ADARB2: variants seen among roughly 807,000 people sequenced by gnomAD.
The protein encoded by ADARB2 is inactive double-stranded RNA-specific editase B2.
ADARB2 carries 25 observed loss-of-function variants against 62.2 expected under a neutral mutation model. The ratio of observed to expected loss-of-function variants is 0.40; its 90% CI spans 0.29 to 0.56. The LOEUF is 0.56. ADARB2 is among the 20% of genes least tolerant of loss of function. The pLI is 0.43. For missense variants in ADARB2, 1,071 were observed against 1,077.4 expected (o/e 0.99, Z 0.08); for synonymous variants, 572 against 500.8 (o/e 1.14, Z -1.90).
intron 3 of ADARB2, among the ~76,000 whole-genome samples, chr10:1,286,031 A>C (rs897518883): frequency 8.1e-6 from 1 of 123,510 alleles, no homozygotes; most frequent in Non-Finnish European, 1.6e-5. Context: ...CCGAGTCCCC[A>C]GGCTCCTTTC....
chr10:1,351,292 A>G (rs1832135510), intron 3 of ADARB2, among the ~76,000 whole-genome samples: 6 of 152,280 alleles, frequency 3.9e-5, no homozygotes, highest in Admixed American at 3.3e-4. Context: ...TCACAGTGGA[A>G]GGTAAGTCCG....
intron 1 of ADARB2, among the ~76,000 whole-genome samples, chr10:1,419,601 G>C (rs1026521161): frequency 2.6e-5 from 4 of 152,184 alleles, no homozygotes; most frequent in Non-Finnish European, 5.9e-5. Context: ...CCAGATGGTT[G>C]GTGCTGCAGT....
chr10:1,479,765 C>G (rs1169669346), intron 1 of ADARB2, among the ~76,000 whole-genome samples: 1 of 152,152 alleles, frequency 6.6e-6, no homozygotes, highest in Non-Finnish European at 1.5e-5. Flanking sequence ...TTGATCAAAG[C>G]TGAGAACAAT....
chr10:1,497,907 G>T (rs1359747319), intron 1 of ADARB2, among the ~76,000 whole-genome samples: 2 of 152,176 alleles, frequency 1.3e-5, no homozygotes, highest in Non-Finnish European at 2.9e-5. Flanking sequence ...GCATGGAAGA[G>T]AATGTGTCTG....
At chr10:1,698,368 C>T (rs958953545) in intron 1 of ADARB2, among the ~76,000 whole-genome samples, 8 of 152,186 alleles carry the variant, frequency 5.3e-5, no homozygotes, top group Admixed American at 2.0e-4. Context: ...TCAACAAAGG[C>T]GGTCTCCACA....
intron 3 of ADARB2, among the ~76,000 whole-genome samples, chr10:1,272,579 A>G (rs770635348): frequency 1.5e-4 from 23 of 152,114 alleles, no homozygotes; most frequent in Non-Finnish European, 2.9e-4. Context: ...GTAGCCTGTA[A>G]ATGATGTCAG....
At chr10:1,271,101 G>A in intron 3 of ADARB2, 32 bp from the exon 4 acceptor site, 3 of 1,581,668 alleles carry the variant, frequency 1.9e-6, no homozygotes, top group Admixed American at 1.7e-5. Flanking sequence ...CTCCACGTTG[G>A]GCTGAGCAGG....
intron 1 of ADARB2, among the ~76,000 whole-genome samples, chr10:1,694,705 A>T (rs752883649): frequency 5.3e-5 from 8 of 152,240 alleles, no homozygotes; most frequent in Non-Finnish European, 7.3e-5. Context: ...GTACATTTGG[A>T]CAATTAGAGA....
intron 4 of ADARB2, among the ~76,000 whole-genome samples, chr10:1,268,010 G>A (rs1831222990): frequency 6.6e-6 from 1 of 152,168 alleles, no homozygotes; most frequent in South Asian, 2.1e-4. Context: ...GTGGGGAAGG[G>A]GCTGAGGGCT....
chr10:1,434,837 G>A (rs2805548), intron 1 of ADARB2, among the ~76,000 whole-genome samples: 6,859 of 152,298 alleles, frequency 0.045, 538 homozygotes, highest in African/African-American at 0.16. Context: ...AGAAGGTACA[G>A]AAGCTCTGGA....
At chr10:1,232,738 T>TCA (rs1830820504) in intron 6 of ADARB2, among the ~76,000 whole-genome samples, 1 of 52,414 alleles carries the variant, frequency 1.9e-5, no homozygotes, top group South Asian at 1.6e-3. Flanking sequence ...GTATGTGACA[T>TCA]GAGTAGTGTA....
chr10:1,456,330 C>T (rs935601555), intron 1 of ADARB2, among the ~76,000 whole-genome samples: 2 of 152,182 alleles, frequency 1.3e-5, no homozygotes, highest in African/African-American at 4.8e-5. Flanking sequence ...TAGGAACCAA[C>T]CAACCAAGTC....
At chr10:1,521,898 C>A (rs1292933892) in intron 1 of ADARB2, among the ~76,000 whole-genome samples, 1 of 151,684 alleles carries the variant, frequency 6.6e-6, no homozygotes, top group African/African-American at 2.4e-5. Flanking sequence ...TATATAAAAC[C>A]AAGCTGCGCC....
At chr10:1,500,589 G>A (rs1218275327) in intron 1 of ADARB2, among the ~76,000 whole-genome samples, 5 of 152,036 alleles carry the variant, frequency 3.3e-5, no homozygotes, top group African/African-American at 7.2e-5. Flanking sequence ...AGCACAAAAG[G>A]GTAAAAATAA....
chr10:1,234,017 C>G (rs1045500927), intron 5 of ADARB2, among the ~76,000 whole-genome samples, 172 bp from the exon 6 acceptor site: 1 of 135,606 alleles, frequency 7.4e-6, no homozygotes, highest in Non-Finnish European at 1.5e-5. Flanking sequence ...GTCACCCAGG[C>G]TGGAGTGCAA....
At chr10:1,640,209 T>C (rs948706889) in intron 1 of ADARB2, among the ~76,000 whole-genome samples, 1 of 152,210 alleles carries the variant, frequency 6.6e-6, no homozygotes, top group African/African-American at 2.4e-5. Flanking sequence ...TAAAATTCAG[T>C]TTAGAAGTCT....
chr10:1,489,259 G>A (rs1374297746), intron 1 of ADARB2, among the ~76,000 whole-genome samples: 1 of 149,440 alleles, frequency 6.7e-6, no homozygotes, highest in Non-Finnish European at 1.5e-5. Context: ...TGCCTCTCTG[G>A]GAGCTTCTGC....
intron 1 of ADARB2, among the ~76,000 whole-genome samples, chr10:1,487,804 A>G (rs1490852573): frequency 6.6e-6 from 1 of 152,196 alleles, no homozygotes; most frequent in Non-Finnish European, 1.5e-5. Context: ...TGGTCAGAAA[A>G]ACAAAAGTGT....
intron 1 of ADARB2, among the ~76,000 whole-genome samples, chr10:1,452,516 CCAT>C (rs1831051927): frequency 6.6e-6 from 1 of 151,898 alleles, no homozygotes; most frequent in African/African-American, 2.4e-5. Flanking sequence ...AAGCTGGAAA[CCAT>C]CATTTTCAGC....
Sources: gnomAD v4.1 joint callset for allele counts (sites outside exome capture counted in the v4.1 genomes callset) on GRCh38, gnomAD v4.1.1 for gene constraint, MANE v1.5 for transcripts, NCBI Gene and HGNC (gene_info 2026-07-23, HGNC 2026-07-21) for gene names.